The following ACCS variants were observed in gnomAD, a reference collection of about 807,000 sequenced individuals.
ACCS encodes the protein 1-aminocyclopropane-1-carboxylate synthase-like protein 1.
ACCS carries 42 observed loss-of-function variants against 59.8 expected under a neutral mutation model. The observed-to-expected ratio is 0.70, with a 90% confidence interval of 0.55 to 0.91. The LOEUF (loss-of-function observed/expected upper bound fraction) is 0.91, where lower values mean the gene tolerates loss of function less well. ACCS is among the 40% of genes least tolerant of loss of function. The pLI is 0.00. For synonymous variants in ACCS, 230 were observed against 240.3 expected, an observed-to-expected ratio of 0.96 and a Z score of 0.40; for missense variants, 602 against 630.4, an observed-to-expected ratio of 0.95 and a Z score of 0.48.
At chr11:44,069,686 TCTC>T (rs533131213) in intron 2 of ACCS, among the ~76,000 whole-genome samples, 35 of 152,320 alleles carry the variant, frequency 2.3e-4, no homozygotes, top group African/African-American at 8.2e-4. Context: ...CTTCAGTCCT[TCTC>T]CACGTGGGCT....
chr11:44,070,921 G>A (rs1565171093), intron 2 of ACCS, among the ~76,000 whole-genome samples: 2 of 152,202 alleles, frequency 1.3e-5, no homozygotes, highest in African/African-American at 2.4e-5. Flanking sequence ...GATACGGTGT[G>A]TACCTCAGTC....
Position 44,067,809 on chromosome 11 carries a change from C to G in ACCS, c.182C>G (p.Ser61Cys). 1.9e-6 allele frequency: 3 copies of G among 1,614,092 alleles called. No homozygotes were observed. The highest frequency in any genetic ancestry group is 1.7e-6 in the Non-Finnish European group (2 of 1,180,006). Residue 61 changes from serine to cysteine, a missense_variant, in exon 2 of 15, where the codon TCC becomes TGC. Coordinates refer to ENST00000263776, the MANE Select transcript of ACCS (RefSeq NM_032592.4). Reference protein sequence around the residue: ...GDPAMISSDTSYLSSRGRMIK... With the variant: ...GDPAMISSDTCYLSSRGRMIK... ...CCTGCCATGATCTCCTCTGATACCTCCTACCTGTCCTCTAGAGGAAGAATG... is the reference window on the plus strand; with the variant it reads ...CCTGCCATGATCTCCTCTGATACCTGCTACCTGTCCTCTAGAGGAAGAATG...
At chr11:44,072,610 A>G (rs1357905080) in intron 3 of ACCS, among the ~76,000 whole-genome samples, 1 of 152,212 alleles carries the variant, frequency 6.6e-6, no homozygotes, top group African/African-American at 2.4e-5. Context: ...TTAATAATAT[A>G]TTTTATTTAG....
intron 6 of ACCS, among the ~76,000 whole-genome samples, chr11:44,076,206 C>T (rs1046496182): frequency 2.6e-5 from 4 of 152,160 alleles, no homozygotes; most frequent in Non-Finnish European, 4.4e-5. Flanking sequence ...GCTGCAAGAG[C>T]CTGTTGTTTT....
At chr11:44,080,724 T>G in intron 10 of ACCS, 1 of 468,528 alleles carries the variant, frequency 2.1e-6, no homozygotes, top group Admixed American at 3.5e-5. Flanking sequence ...GGGGGAGTGG[T>G]TAGGGAAAGT....
chr11:44,083,971 G>A lies in ACCS; in HGVS notation c.*179G>A. ...GCAGTGGGAAACTCCTTAAGCTGTG[G>A]TTCAGCCTGGGCCCTCCCTCTCTCC... On this transcript the variant is annotated 3_prime_UTR_variant, in exon 15 of 15. Coordinates refer to ENST00000263776, the MANE Select transcript of ACCS (RefSeq NM_032592.4). The A allele has an allele frequency of 2.2e-6, 3 of 1,364,532 alleles. No homozygotes were observed. Among genetic ancestry groups the A allele is most frequent in the Non-Finnish European group, 2.9e-6 (3 of 1,033,734 alleles). 84.5% of individuals were successfully genotyped at this position (1,364,532 alleles called of 1,614,324 possible). A position where few individuals can be genotyped will look rare whatever the true frequency, so the allele number is the denominator to read the frequency against.
At chr11:44,075,098 A>G (rs1487418044) in intron 5 of ACCS, among the ~76,000 whole-genome samples, 2 of 152,106 alleles carry the variant, frequency 1.3e-5, no homozygotes, top group African/African-American at 4.8e-5. Flanking sequence ...TGCTGGGATT[A>G]CAGGCCTGAG....
chr11:44,081,213 T>C lies in ACCS; in HGVS notation c.1004T>C (p.Leu335Pro), dbSNP rs199677141. 2.5e-5 allele frequency: 40 copies of C among 1,614,244 alleles called. No individual in the cohort carries two copies. Among genetic ancestry groups the C allele is most frequent in the Non-Finnish European group, 3.2e-5 (38 of 1,180,036 alleles). The change falls in exon 12 of 15, where the codon CTG becomes CCG. Residue 335 changes from leucine to proline, a missense_variant. Physicochemically the swap from Leu to Pro is moderately conservative, Grantham distance 98 (BLOSUM62 -3). Transcript: ENST00000263776. ...FGMSGLRFGTLYTENQDVATA... is the reference protein window; with the variant it reads ...FGMSGLRFGTPYTENQDVATA... ...ATGTCTGGGCTCCGCTTTGGCACGCTGTACACAGAAAACCAGGATGTGGCC... is the reference window on the plus strand; with the variant it reads ...ATGTCTGGGCTCCGCTTTGGCACGCCGTACACAGAAAACCAGGATGTGGCC...
intron 3 of ACCS, chr11:44,071,774 A>G (rs1012597879): frequency 6.4e-6 from 1 of 156,018 alleles, no homozygotes; most frequent in Admixed American, 6.3e-5. Context: ...TATTTTCACC[A>G]TATAGACATG....
At chr11:44,075,441 C>T (rs1953308994) in intron 5 of ACCS, 85 bp from the exon 6 acceptor site, 2 of 1,444,128 alleles carry the variant, frequency 1.4e-6, no homozygotes, top group East Asian at 2.3e-5. Context: ...GCCTGGCGCT[C>T]ACTCTGTGCT....
Position 44,084,065 on chromosome 11 carries a change from G to C in ACCS, c.*273G>C, listed in dbSNP as rs1953759714. 2.1e-6 allele frequency: 1 copy of C among 484,402 alleles called. No homozygotes were observed. The highest frequency in any genetic ancestry group is 3.3e-6 in the Non-Finnish European group (1 of 299,678). The allele number at this position is 484,402 out of a possible 1,614,324, so 30.0% of individuals were successfully genotyped here. On this transcript the variant is annotated 3_prime_UTR_variant, in exon 15 of 15. Transcript: ENST00000263776. ...TATTTAGAATGGAGGAGTCGTGACT[G>C]CTTCTAACCAGAGCCTCAGCCCCCC... is the stretch of plus-strand genomic sequence containing the variant.
At chr11:44,068,424 C>T (rs532466374) in intron 2 of ACCS, among the ~76,000 whole-genome samples, 1 of 152,048 alleles carries the variant, frequency 6.6e-6, no homozygotes, top group African/African-American at 2.4e-5. Flanking sequence ...ATAGCAAGAC[C>T]CCATCACTAC....
intron 10 of ACCS, among the ~76,000 whole-genome samples, chr11:44,080,283 G>A (rs1397869263): frequency 6.6e-6 from 1 of 152,142 alleles, no homozygotes; most frequent in Non-Finnish European, 1.5e-5. Context: ...CACCTTCAGG[G>A]GTTCTAACAG....
At chr11:44,073,317 A>G in intron 3 of ACCS, 130 bp from the exon 4 acceptor site, 1 of 780,782 alleles carries the variant, frequency 1.3e-6, no homozygotes, top group Non-Finnish European at 2.2e-6. Context: ...GGTATGAGAA[A>G]GCTGTCACTC....
intron 9 of ACCS, chr11:44,079,179 A>G (rs1000157573): frequency 5.4e-6 from 2 of 370,260 alleles, no homozygotes; most frequent in East Asian, 5.3e-5. Flanking sequence ...TGATGCTGTT[A>G]TCACATCCAG....
chr11:44,074,947 C>T (rs1441919550), intron 5 of ACCS, among the ~76,000 whole-genome samples: 3 of 151,500 alleles, frequency 2.0e-5, no homozygotes, highest in African/African-American at 7.3e-5. Context: ...GCCTCAGCCT[C>T]CCGAGTAGGT....
At position 44,083,940 on chromosome 11, in the gene ACCS, G is replaced by A. The variant is rs546880694; in HGVS notation, c.*148G>A. ...CCTGAAGAACTGTTTCTTGTCTTTC[G>A]CTGTAGCAGTGGGAAACTCCTTAAG... On this transcript the variant is annotated 3_prime_UTR_variant, in exon 15 of 15. Transcript: ENST00000263776. 2.1e-4 allele frequency: 311 copies of A among 1,456,934 alleles called. No homozygotes were observed. Among genetic ancestry groups the A allele is most frequent in the African/African-American group, 1.9e-3 (134 of 70,774 alleles). The allele number at this position is 1,456,934 out of a possible 1,614,324, so 90.3% of individuals were successfully genotyped here. A position where few individuals can be genotyped will look rare whatever the true frequency, so the allele number is the denominator to read the frequency against.
rs1229213092 is a variant in ACCS, at chr11:44,078,964, C to T, written c.833+180C>T. ...GGGATGCCCATTCCTCTTTATCTTT[C>T]ACTCTTTATAACAATAGCTATCAAT... On this transcript the variant is annotated intron_variant, in intron 9 of 14. Transcript: ENST00000263776. The T allele has an allele frequency of 8.4e-6, 5 of 594,446 alleles. No individual in the cohort carries two copies. The Admixed American group carries it at 8.8e-5, about 11-fold the overall frequency. 36.8% of individuals were successfully genotyped at this position (594,446 alleles called of 1,614,324 possible).
chr11:44,072,380 A>G (rs1016481315), intron 3 of ACCS: 1 of 151,714 alleles, frequency 6.6e-6, no homozygotes, highest in Non-Finnish European at 1.5e-5. Flanking sequence ...CTGGTCTCGA[A>G]CTCCTGACCT....
Sources: gnomAD v4.1 joint callset for allele counts (sites outside exome capture counted in the v4.1 genomes callset) on GRCh38, gnomAD v4.1.1 for gene constraint, MANE v1.5 for transcripts, NCBI Gene and HGNC (gene_info 2026-07-23, HGNC 2026-07-21) for gene names.